The following DAB1 variants were observed in gnomAD, a reference collection of about 807,000 sequenced individuals.
The protein encoded by DAB1 is DAB adaptor protein 1, also known as disabled homolog 1.
A neutral mutation model predicts 64.6 loss-of-function variants in DAB1; 15 were observed. The ratio of observed to expected loss-of-function variants is 0.23; its 90% confidence interval spans 0.16 to 0.36. The LOEUF (loss-of-function observed/expected upper bound fraction) is 0.36. Among genes scored for constraint, DAB1 ranks in the 10% least tolerant of loss-of-function variants. DAB1 has a pLI of 1.00. For missense variants in DAB1, 596 were observed against 706.7 expected, an observed-to-expected ratio of 0.84 and a Z score of 1.78; for synonymous variants, 235 against 251.9, an observed-to-expected ratio of 0.93 and a Z score of 0.64.
intron 5 of DAB1, among the ~76,000 whole-genome samples, chr1:58,108,225 G>A (rs1456511339): frequency 6.6e-6 from 1 of 152,180 alleles, no homozygotes; most frequent in Admixed American, 6.5e-5. Context: ...CCAAACAGAG[G>A]AGACTGAAGC....
intron 3 of DAB1, among the ~76,000 whole-genome samples, chr1:58,358,976 A>ACACACACACACACACACACT (rs1644138540): frequency 1.0e-4 from 15 of 145,864 alleles, no homozygotes; most frequent in South Asian, 9.0e-4. Flanking sequence ...ACACACACAC[A>ACACACACACACACACACACT]CTCAAAGGAT....
intron 6 of DAB1, among the ~76,000 whole-genome samples, chr1:57,683,478 T>C (rs911146376): frequency 6.6e-6 from 1 of 152,178 alleles, no homozygotes; most frequent in African/African-American, 2.4e-5. Flanking sequence ...TACTGGCCAC[T>C]ACTCTTAAGC....
At chr1:58,182,704 AT>A in intron 4 of DAB1, among the ~76,000 whole-genome samples, 1 of 152,024 alleles carries the variant, frequency 6.6e-6, no homozygotes, top group Middle Eastern at 3.4e-3. Context: ...AATACTTTCC[AT>A]TCACTTTTTA....
intron 4 of DAB1, among the ~76,000 whole-genome samples, chr1:58,218,014 T>C (rs1369545619): frequency 6.6e-6 from 1 of 151,280 alleles, no homozygotes; most frequent in Non-Finnish European, 1.5e-5. Flanking sequence ...TTAAAATATA[T>C]ATTTATTATA....
intron 7 of DAB1, among the ~76,000 whole-genome samples, chr1:57,440,082 C>G (rs1267518352): frequency 6.6e-6 from 1 of 152,186 alleles, no homozygotes; most frequent in East Asian, 1.9e-4. Flanking sequence ...GTTTCCTCCT[C>G]TAGGCTTTTT....
At chr1:57,091,395 A>G (rs1653665395) in intron 4 of DAB1, among the ~76,000 whole-genome samples, 1 of 152,132 alleles carries the variant, frequency 6.6e-6, no homozygotes, top group Admixed American at 6.6e-5. Context: ...TAACAACCAC[A>G]TCGTAGTTTT....
intron 6 of DAB1, among the ~76,000 whole-genome samples, chr1:57,740,064 A>AAAAAAAAAAAT (rs1647908400): frequency 6.7e-6 from 1 of 148,760 alleles, no homozygotes; most frequent in South Asian, 2.2e-4. Context: ...AAAAAAAAAA[A>AAAAAAAAAAAT]TTCGCCAGGC....
intron 2 of DAB1, among the ~76,000 whole-genome samples, chr1:57,160,633 G>T (rs1410759453): frequency 1.3e-5 from 2 of 152,154 alleles, no homozygotes; most frequent in Admixed American, 1.3e-4. Context: ...AATACAGCAG[G>T]AAAGCTGGAT....
intron 4 of DAB1, among the ~76,000 whole-genome samples, chr1:57,084,123 T>A (rs551786036): frequency 5.3e-5 from 8 of 152,196 alleles, no homozygotes; most frequent in Non-Finnish European, 1.2e-4. Context: ...CAGAAAGTGA[T>A]CTTATTTAAA....
intron 5 of DAB1, among the ~76,000 whole-genome samples, chr1:58,118,059 A>T (rs1176845310): frequency 1.3e-5 from 2 of 151,722 alleles, no homozygotes; most frequent in East Asian, 3.9e-4. Context: ...ATGTGCCACC[A>T]TGCCTGCTAA....
chr1:57,044,164 C>T (rs1486841659), intron 9 of DAB1, among the ~76,000 whole-genome samples: 3 of 152,216 alleles, frequency 2.0e-5, no homozygotes, highest in African/African-American at 7.2e-5. Flanking sequence ...AGGAGTAGCC[C>T]CAGCTCTTGT....
chr1:57,465,370 G>C (rs1686921534), intron 7 of DAB1, among the ~76,000 whole-genome samples: 2 of 152,152 alleles, frequency 1.3e-5, no homozygotes. Flanking sequence ...AACTTTGTTT[G>C]ATTTTCCACC....
At chr1:57,771,760 C>A (rs968782504) in intron 6 of DAB1, among the ~76,000 whole-genome samples, 1 of 152,058 alleles carries the variant, frequency 6.6e-6, no homozygotes, top group Non-Finnish European at 1.5e-5. Flanking sequence ...CTCCAACTCC[C>A]AGCCCCAGGA....
intron 1 of DAB1, among the ~76,000 whole-genome samples, chr1:57,353,359 A>C (rs571776407): frequency 6.6e-6 from 1 of 152,218 alleles, no homozygotes; most frequent in African/African-American, 2.4e-5. Flanking sequence ...GTTCCGTCCT[A>C]TTCTGCCTAT....
At chr1:57,760,513 C>A (rs889636565) in intron 6 of DAB1, among the ~76,000 whole-genome samples, 2 of 151,758 alleles carry the variant, frequency 1.3e-5, no homozygotes, top group Non-Finnish European at 2.9e-5. Flanking sequence ...CTCTTTCTTC[C>A]CTTCCCGTCT....
chr1:57,895,163 C>A (rs1644374367), intron 5 of DAB1, among the ~76,000 whole-genome samples: 1 of 152,028 alleles, frequency 6.6e-6, no homozygotes, highest in Non-Finnish European at 1.5e-5. Flanking sequence ...ATATTCAAGT[C>A]TAATGGGTAA....
chr1:58,286,053 C>T (rs1445449747), intron 4 of DAB1, among the ~76,000 whole-genome samples: 1 of 152,146 alleles, frequency 6.6e-6, no homozygotes, highest in Non-Finnish European at 1.5e-5. Flanking sequence ...CTGACAAAAA[C>T]AAGCATTGGG....
At chr1:57,247,358 G>A (rs1436816920) in intron 2 of DAB1, among the ~76,000 whole-genome samples, 1 of 152,086 alleles carries the variant, frequency 6.6e-6, no homozygotes, top group Non-Finnish European at 1.5e-5. Flanking sequence ...TCTCCCTCCT[G>A]CTCTGCCATG....
chr1:57,942,325 A>G (rs1394747429), intron 5 of DAB1, among the ~76,000 whole-genome samples: 1 of 152,216 alleles, frequency 6.6e-6, no homozygotes, highest in African/African-American at 2.4e-5. Context: ...AGAAATAAGT[A>G]AGATCCAAAC....
Sources: gnomAD v4.1 joint callset for allele counts (sites outside exome capture counted in the v4.1 genomes callset) on GRCh38, gnomAD v4.1.1 for gene constraint, MANE v1.5 for transcripts, NCBI Gene and HGNC (gene_info 2026-07-23, HGNC 2026-07-21) for gene names.